Variants in CHD5 observed in about 807,000 individuals in gnomAD.
CHD5 encodes chromodomain helicase DNA binding protein 5, also known as ATP-dependent chromatin remodeler CHD5.
Under a neutral mutation model 230.3 loss-of-function variants are expected in CHD5, and 69 were observed. The ratio of observed to expected loss-of-function variants is 0.30; its 90% CI spans 0.25 to 0.37. The LOEUF (loss-of-function observed/expected upper bound fraction) is 0.37, where lower values mean the gene tolerates loss of function less well. Ranked by LOEUF, CHD5 falls within the 10% of genes least tolerant of loss-of-function variation. The pLI is 1.00. For synonymous variants in CHD5, 1,064 were observed against 1,065.9 expected (o/e 1.00, Z 0.03); for missense variants, 1,827 against 2,622.8 (o/e 0.70, Z 6.63).
At chr1:6,136,038 AAC>A (rs57815312) in intron 17 of CHD5, among the ~76,000 whole-genome samples, 63,986 of 151,618 alleles carry the variant, frequency 0.42, 14,330 homozygotes, top group East Asian at 0.81. Flanking sequence ...AAAAAAAAAA[AAC>A]ACTGCATCTC....
intron 2 of CHD5, among the ~76,000 whole-genome samples, chr1:6,166,096 C>T (rs1342724218): frequency 6.6e-6 from 1 of 151,842 alleles, no homozygotes; most frequent in Non-Finnish European, 1.5e-5. Context: ...ACACATCCAT[C>T]CCGGACACTG....
intron 36 of CHD5, among the ~76,000 whole-genome samples, chr1:6,111,474 C>T (rs113406119): frequency 0.011 from 1,675 of 149,626 alleles, 25 homozygotes; most frequent in African/African-American, 0.038. Flanking sequence ...GCAGCAGTTG[C>T]AGTGAGCCGA....
At chr1:6,175,080 G>A (rs540197595) in intron 1 of CHD5, among the ~76,000 whole-genome samples, 1 of 151,846 alleles carries the variant, frequency 6.6e-6, no homozygotes, top group African/African-American at 2.4e-5. Flanking sequence ...ATGAGTGGAT[G>A]GTGGATGGAT....
At chr1:6,149,194 G>T in intron 8 of CHD5, 52 bp downstream of exon 8, 4 of 1,510,514 alleles carry the variant, frequency 2.6e-6, no homozygotes, top group Admixed American at 2.1e-5. Flanking sequence ...GCACAGGGGT[G>T]GGGGAGCCAG....
intron 15 of CHD5, among the ~76,000 whole-genome samples, chr1:6,140,591 C>G (rs1327986476): frequency 1.3e-5 from 2 of 152,034 alleles, no homozygotes; most frequent in Non-Finnish European, 2.9e-5. Context: ...ACACTGAGAC[C>G]CAGTGAGGCC....
chr1:6,140,973 T>TAAG (rs1284609358), intron 15 of CHD5, among the ~76,000 whole-genome samples: 1 of 142,804 alleles, frequency 7.0e-6, no homozygotes, highest in African/African-American at 2.6e-5. Context: ...CTCAAAATAA[T>TAAG]AATAATAATA....
intron 15 of CHD5, among the ~76,000 whole-genome samples, chr1:6,137,523 A>C (rs542321219): frequency 1.3e-5 from 2 of 151,940 alleles, no homozygotes; most frequent in East Asian, 3.9e-4. Flanking sequence ...TTTTGGAGAG[A>C]GATCTCTCTA....
intron 6 of CHD5, among the ~76,000 whole-genome samples, chr1:6,152,199 T>C (rs1667017685): frequency 6.6e-6 from 1 of 152,130 alleles, no homozygotes; most frequent in African/African-American, 2.4e-5. Flanking sequence ...AGAAGGGCCC[T>C]TGGAAGGATT....
chr1:6,106,177 G>T (rs1666160778), intron 41 of CHD5, 57 bp downstream of exon 41: 3 of 1,488,964 alleles, frequency 2.0e-6, no homozygotes, highest in South Asian at 2.3e-5. Flanking sequence ...CTGTGGCCAG[G>T]CCTGGTTTGC....
rs1006219561 is a variant in CHD5, at chr1:6,129,487, C to T, written c.3388-418G>A. On this transcript the variant is annotated intron_variant, in intron 22 of 41. Transcript: ENST00000262450. This position sits in a 1 kb window ranked among gnomAD's most constrained non-coding sequence, Gnocchi z 6.8. ...TGTGCTGGAGACACGCAGCCACCTT[C>T]TGAGGGCAGCAAGGAGCTGAATCTG... Among the ~76,000 whole-genome samples the T allele has an allele frequency of 2.0e-5, 3 of 152,190 alleles. No individual in the cohort carries two copies. Among genetic ancestry groups the T allele is most frequent in the African/African-American group, 7.2e-5 (3 of 41,458 alleles).
Position 6,105,769 on chromosome 1 carries a change from C to A in CHD5, c.*47-342G>T, listed in dbSNP as rs913466186. Among the ~76,000 whole-genome samples the A allele has an allele frequency of 6.6e-6, 1 of 152,222 alleles. No homozygotes were observed. Among genetic ancestry groups the A allele is most frequent in the African/African-American group, 2.4e-5 (1 of 41,458 alleles). Reference sequence around the variant, plus strand: ...GAACTGGCAGTTTCTCTGAAATAAGCCCCCTCTCCTGGCCAATAGCCCCCA... The same window carrying A: ...GAACTGGCAGTTTCTCTGAAATAAGACCCCTCTCCTGGCCAATAGCCCCCA... On this transcript the variant is annotated intron_variant, in intron 41 of 41. Transcript: ENST00000262450. This position sits in a 1 kb window ranked among gnomAD's most constrained non-coding sequence, Gnocchi z 4.8.
Position 6,121,121 on chromosome 1 carries a change from C to A in CHD5, c.4896G>T (p.Pro1632=). 1 of 1,604,952 alleles carries A rather than the reference C, an allele frequency of 6.2e-7. No homozygotes were observed. The highest frequency in any genetic ancestry group is 8.5e-7 in the Non-Finnish European group (1 of 1,176,602). ...AGCCCCAACCTCTCGGCAGCTGCTC[C>A]GGGGAGGGCGGGGCCTTCTCCGTCT... ...PEETEKAPPS[P]EQLPREEVLP... is the part of the protein sequence containing the mutation. Residue 1632 remains proline, a synonymous_variant, in exon 33 of 42, where the codon CCG becomes CCT. Transcript: ENST00000262450. This position sits in a 1 kb window ranked among gnomAD's most constrained non-coding sequence, Gnocchi z 4.5.
chr1:6,168,258 A>G lies in CHD5; in HGVS notation c.99T>C (p.Leu33=). 1 of 1,605,272 alleles carries G rather than the reference A, an allele frequency of 6.2e-7. No individual in the cohort carries two copies. Among genetic ancestry groups the G allele is most frequent in the Non-Finnish European group, 8.5e-7 (1 of 1,173,548 alleles). The change falls in exon 2 of 42, where the codon CTT becomes CTC. Residue 33 remains leucine (L), a synonymous_variant. Transcript: ENST00000262450. ...DEMSEEEDGG[L]EAFDDFFPVE... is the part of the protein sequence containing the mutation. The stretch of plus-strand genomic sequence containing the variant: ...CAGGGAAAAAGTCATCGAAGGCTTC[A>G]AGACCACCATCTTCTTCTTCTGGAA...
rs114398792 is a variant in CHD5, at chr1:6,135,209, C to T, written c.2870+21G>A. 11,867 of 1,613,658 alleles carry T rather than the reference C, an allele frequency of 7.4e-3. 58 individuals carry two copies. Among genetic ancestry groups the T allele is most frequent in the Non-Finnish European group, 9.1e-3 (10,745 of 1,179,828 alleles). On this transcript the variant is annotated intron_variant, in intron 18 of 41. Coordinates refer to ENST00000262450, the MANE Select transcript of CHD5 (RefSeq NM_015557.3). The stretch of plus-strand genomic sequence containing the variant: ...GGGAAAGGGCGAGCACAGGCTGCTC[C>T]GGGGTCAGCCCATCACTCACTTCTG...
At chr1:6,111,497 A>C (rs1404519651) in intron 36 of CHD5, among the ~76,000 whole-genome samples, 1 of 151,256 alleles carries the variant, frequency 6.6e-6, no homozygotes, top group Admixed American at 6.6e-5. Context: ...TCAAGCTGCT[A>C]CACTCCAGCC....
intron 1 of CHD5, among the ~76,000 whole-genome samples, chr1:6,173,919 C>T (rs1667378805): frequency 6.6e-6 from 1 of 152,186 alleles, no homozygotes; most frequent in Admixed American, 6.5e-5. Flanking sequence ...TGACATTTAA[C>T]AAAACCCAGA....
chr1:6,161,456 C>T (rs902947089), intron 2 of CHD5, among the ~76,000 whole-genome samples: 30 of 152,242 alleles, frequency 2.0e-4, no homozygotes, highest in African/African-American at 7.0e-4. Flanking sequence ...AGCCTCCCTG[C>T]TCCCAAACCT....
chr1:6,152,412 C>T lies in CHD5; in HGVS notation c.870G>A (p.Ser290=), dbSNP rs372328958. ...GISNKRKKGS[S]SEEDEREESD... ...CACGCGCACACACGCACACACTCAC[C>T]GAGGAGCCTTTCTTCCTCTTGTTGC... Residue 290 remains serine (S), a splice_region_variant and synonymous_variant, in exon 6 of 42, where the codon TCG becomes TCA. Transcript: ENST00000262450. 1.1e-5 allele frequency: 18 copies of T among 1,612,800 alleles called. 1 individual carries two copies. Among genetic ancestry groups the T allele is most frequent in the South Asian group, 2.2e-5 (2 of 90,924 alleles).
chr1:6,119,775 A>T (rs569779256), intron 33 of CHD5, among the ~76,000 whole-genome samples: 2 of 151,226 alleles, frequency 1.3e-5, no homozygotes, highest in African/African-American at 2.4e-5. Flanking sequence ...ACATACGTAC[A>T]TATGTGCGTA....
Sources: allele counts gnomAD v4.1 joint callset (sites outside exome capture counted in the v4.1 genomes callset), GRCh38; gene constraint gnomAD v4.1.1; non-coding constraint Gnocchi (gnomAD v3.1); transcripts MANE v1.5; gene names NCBI Gene and HGNC (gene_info 2026-07-23, HGNC 2026-07-21).